CACNB3: variants seen among roughly 807,000 people sequenced by gnomAD.
CACNB3 encodes the protein voltage-dependent L-type calcium channel subunit beta-3.
A neutral mutation model predicts 63.7 loss-of-function variants in CACNB3; 36 were observed. The observed-to-expected ratio is 0.57, with a 90% CI of 0.43 to 0.75. CACNB3 has a LOEUF of 0.75. CACNB3 is among the 30% of genes least tolerant of loss of function. The pLI is 0.00. For synonymous variants in CACNB3, 241 were observed against 250.6 expected (o/e 0.96, Z 0.36); for missense variants, 493 against 648.6 (o/e 0.76, Z 2.61).
intron 1 of CACNB3, among the ~76,000 whole-genome samples, 154 bp downstream of exon 1, chr12:48,819,128 A>G (rs561776963): frequency 2.6e-5 from 4 of 151,996 alleles, no homozygotes; most frequent in Admixed American, 2.0e-4. Flanking sequence ...ATGGATTTTC[A>G]TGCCAAGCGT....
chr12:48,818,636 A>T lies in CACNB3; in HGVS notation c.-294A>T. On this transcript the variant is annotated 5_prime_UTR_variant, in exon 1 of 13. Coordinates refer to ENST00000301050, the MANE Select transcript of CACNB3 (RefSeq NM_000725.4). The surrounding 1 kb of genome is among the most constrained non-coding windows in gnomAD (Gnocchi z 4.3). ...TCGCCGCCCCCGCCTTCTCCCGGGG[A>T]GGGGGTCAGGTGGGCGGGCACTATT... The T allele has an allele frequency of 9.5e-7, 1 of 1,055,996 alleles. No individual in the cohort carries two copies. The highest frequency in any genetic ancestry group is 1.1e-6 in the Non-Finnish European group (1 of 893,542). The allele number at this position is 1,055,996 out of a possible 1,614,324, so 65.4% of individuals were successfully genotyped here. A position where few individuals can be genotyped will look rare whatever the true frequency, so the allele number is the denominator to read the frequency against.
upstream of CACNB3, chr12:48,815,738 G>GC (rs1300880922): frequency 2.1e-6 from 3 of 1,402,086 alleles, no homozygotes; most frequent in African/African-American, 4.3e-5. Flanking sequence ...GGTAACCGTG[G>GC]GGGGGGTGTG....
chr12:48,819,377 G>A (rs955964047), intron 1 of CACNB3, among the ~76,000 whole-genome samples: 1 of 152,162 alleles, frequency 6.6e-6, no homozygotes, highest in African/African-American at 2.4e-5. Flanking sequence ...TGGTTGGGGA[G>A]GCAGACATTC....
In CACNB3 at chr12:48,827,880, G is replaced by A. The variant is rs1179223598; in HGVS notation, c.1436G>A (p.Trp479Ter). ...CGGAACTGGCAGCGCAACCGGCCTT[G>A]GCCCAAGGATAGCTACTGACAGCCT... ...SDRNWQRNRP[W>*]PKDSY Residue 479 changes from tryptophan (W) to a stop codon, truncating the protein, a stop_gained, in exon 13 of 13, where the codon TGG (tryptophan) becomes TAG (stop). Transcript: ENST00000301050. LOFTEE classifies it high-confidence loss of function. The A allele has an allele frequency of 6.2e-7, 1 of 1,613,794 alleles. No homozygotes were observed. The highest frequency in any genetic ancestry group is 8.5e-7 in the Non-Finnish European group (1 of 1,179,780).
At chr12:48,819,843 C>A in intron 1 of CACNB3, 1 of 335,046 alleles carries the variant, frequency 3.0e-6, no homozygotes, top group South Asian at 2.2e-5. Flanking sequence ...GCAGTGATTC[C>A]CGGAGCTCAG....
Position 48,818,693 on chromosome 12 carries a change from G to C in CACNB3, c.-237G>C. 8.0e-7 allele frequency: 1 copy of C among 1,243,748 alleles called. No individual in the cohort carries two copies. The highest frequency in any genetic ancestry group is 1.0e-6 in the Non-Finnish European group (1 of 994,618). 77.0% of individuals were successfully genotyped at this position (1,243,748 alleles called of 1,614,324 possible). A position where few individuals can be genotyped will look rare whatever the true frequency, so the allele number is the denominator to read the frequency against. On this transcript the variant is annotated 5_prime_UTR_variant, in exon 1 of 13. Coordinates refer to ENST00000301050, the MANE Select transcript of CACNB3 (RefSeq NM_000725.4). This position sits in a 1 kb window ranked among gnomAD's most constrained non-coding sequence, Gnocchi z 4.3. ...GGAGCCGGCGCCAGATTCCTCAGCCGCGCTCGGGGTGGGACCGGCTGGGTT... is the reference window on the plus strand; with the variant it reads ...GGAGCCGGCGCCAGATTCCTCAGCCCCGCTCGGGGTGGGACCGGCTGGGTT...
intron 1 of CACNB3, among the ~76,000 whole-genome samples, chr12:48,822,175 G>T (rs1457393208): frequency 2.0e-5 from 3 of 152,060 alleles, no homozygotes; most frequent in Non-Finnish European, 4.4e-5. Flanking sequence ...CCTTCTCTCT[G>T]CCACTGGCAT....
In CACNB3 at chr12:48,823,472, C is replaced by G. The variant is rs763941100; in HGVS notation, c.168+6C>G. On this transcript the variant is annotated splice_donor_region_variant and intron_variant, in intron 2 of 12. Transcript: ENST00000301050. This position sits in a 1 kb window ranked among gnomAD's most constrained non-coding sequence, Gnocchi z 4.2. Reference sequence around the variant, plus strand: ...AGCAGCTCGAAAGGGCCAAGGTATACTTTCTGGGCATGGGGCAAGACAGGA... The same window carrying G: ...AGCAGCTCGAAAGGGCCAAGGTATAGTTTCTGGGCATGGGGCAAGACAGGA... 2 of 1,613,362 alleles carry G rather than the reference C, an allele frequency of 1.2e-6. No individual in the cohort carries two copies. Among genetic ancestry groups the G allele is most frequent in the South Asian group, 2.2e-5 (2 of 90,970 alleles).
intron 1 of CACNB3, chr12:48,821,476 C>T (rs1386699624): frequency 6.6e-6 from 1 of 152,102 alleles, no homozygotes; most frequent in East Asian, 1.9e-4. Context: ...AGACCTGTCT[C>T]TAAGTAAATA....
rs1938106666 is a variant in CACNB3, at chr12:48,825,821, C to T, written c.742+52C>T. 8.0e-7 allele frequency: 1 copy of T among 1,256,652 alleles called. No individual in the cohort carries two copies. The allele number at this position is 1,256,652 out of a possible 1,614,324, so 77.8% of individuals were successfully genotyped here. A position where few individuals can be genotyped will look rare whatever the true frequency, so the allele number is the denominator to read the frequency against. ...GTGCCCACTCAAGTGCCAGTGAGAACCTTCCTCCTCCCTTTTCTTTTTTTT... is the reference window on the plus strand; with the variant it reads ...GTGCCCACTCAAGTGCCAGTGAGAATCTTCCTCCTCCCTTTTCTTTTTTTT... On this transcript the variant is annotated intron_variant, in intron 9 of 12. Coordinates refer to ENST00000301050, the MANE Select transcript of CACNB3 (RefSeq NM_000725.4). The surrounding 1 kb of genome is among the most constrained non-coding windows in gnomAD (Gnocchi z 4.5).
In CACNB3 at chr12:48,825,149, T is replaced by C. The variant is rs1271185370; in HGVS notation, c.493-14T>C. ...AGGGCCATGGTTTCTACTGACCTCA[T>C]GTCCATTCTGCAGGCGGAACATGTT... is the stretch of plus-strand genomic sequence containing the variant. On this transcript the variant is annotated splice_polypyrimidine_tract_variant and intron_variant, in intron 6 of 12. Transcript: ENST00000301050. The surrounding 1 kb of genome is among the most constrained non-coding windows in gnomAD (Gnocchi z 4.5). 6.2e-6 allele frequency: 10 copies of C among 1,613,822 alleles called. No individual in the cohort carries two copies. The highest frequency in any genetic ancestry group is 8.5e-6 in the Non-Finnish European group (10 of 1,179,794).
chr12:48,817,037 C>T, upstream of CACNB3: 1 of 981,220 alleles, frequency 1.0e-6, no homozygotes, highest in Non-Finnish European at 1.2e-6. Flanking sequence ...ACTTCCAATA[C>T]AGAAGAATCC....
At chr12:48,827,480 C>A in intron 12 of CACNB3, 105 bp from the exon 13 acceptor site, 1 of 1,109,018 alleles carries the variant, frequency 9.0e-7, no homozygotes. Flanking sequence ...TGCACTATTT[C>A]CTTTACCGGG....
upstream of CACNB3, chr12:48,814,574 C>T (rs1854478251): frequency 2.7e-6 from 4 of 1,503,812 alleles, no homozygotes; most frequent in African/African-American, 1.4e-5. The surrounding 1 kb of genome is among the most constrained non-coding windows in gnomAD (Gnocchi z 6.9). Context: ...GCTAGGGTCC[C>T]GGAAGGGCGC....
rs1447625284 is a variant in CACNB3, at chr12:48,828,702, T to C, written c.*803T>C. On this transcript the variant is annotated 3_prime_UTR_variant, in exon 13 of 13. Coordinates refer to ENST00000301050, the MANE Select transcript of CACNB3 (RefSeq NM_000725.4). The stretch of plus-strand genomic sequence containing the variant: ...CCTTGCCTTTCTCATTCTTTTGCCC[T>C]GCATCCTGTCATTTCTGTTCTTGTC... The C allele has an allele frequency of 6.6e-6, 3 of 456,430 alleles. No individual in the cohort carries two copies. Among genetic ancestry groups the C allele is most frequent in the Admixed American group, 4.7e-5 (2 of 42,556 alleles). The allele number at this position is 456,430 out of a possible 1,614,324, so 28.3% of individuals were successfully genotyped here.
At chr12:48,827,179 C>T in intron 12 of CACNB3, 56 bp downstream of exon 12, 1 of 1,591,736 alleles carries the variant, frequency 6.3e-7, no homozygotes, top group Non-Finnish European at 8.6e-7. Flanking sequence ...GGCACTGCCC[C>T]TCCCTGCCCA....
chr12:48,817,638 C>T (rs1420866273), upstream of CACNB3, among the ~76,000 whole-genome samples: 3 of 152,180 alleles, frequency 2.0e-5, no homozygotes, highest in Non-Finnish European at 4.4e-5. Flanking sequence ...TACCCCAAAT[C>T]TCAATGCTCC....
upstream of CACNB3, chr12:48,817,309 G>A (rs1942309751): frequency 6.6e-6 from 1 of 152,212 alleles, no homozygotes; most frequent in African/African-American, 2.4e-5. Flanking sequence ...CATGCACAGT[G>A]CTTTCTACCA....
At chr12:48,824,754 C>A in intron 5 of CACNB3, 21 bp downstream of exon 5, 1 of 1,611,808 alleles carries the variant, frequency 6.2e-7, no homozygotes, top group Non-Finnish European at 8.5e-7. Context: ...CCCAACCCAC[C>A]CATTTTGGGT....
Sources: gnomAD v4.1 joint callset for allele counts (sites outside exome capture counted in the v4.1 genomes callset) on GRCh38, gnomAD v4.1.1 for gene constraint, Gnocchi (gnomAD v3.1) non-coding constraint, MANE v1.5 for transcripts, NCBI Gene and HGNC (gene_info 2026-07-23, HGNC 2026-07-21) for gene names.